The following EFNA5 variants were observed in gnomAD, a reference collection of about 807,000 sequenced individuals.
EFNA5 encodes the protein ephrin-A5.
Under a neutral mutation model 22.9 loss-of-function variants are expected in EFNA5, and 5 were observed. The observed-to-expected ratio is 0.22, with a 90% CI of 0.11 to 0.46. EFNA5 has a LOEUF of 0.46. Among genes scored for constraint, EFNA5 ranks in the 20% least tolerant of loss-of-function variants. The probability of loss-of-function intolerance (pLI) is 0.99; values close to 1 mark genes in which losing one functional copy is unlikely to be tolerated. For synonymous variants in EFNA5, 113 were observed against 112.2 expected (o/e 1.01, Z -0.04); for missense variants, 237 against 293.3 (o/e 0.81, Z 1.40).
At chr5:107,621,555 C>T (rs1034205515) in intron 1 of EFNA5, among the ~76,000 whole-genome samples, 8 of 152,120 alleles carry the variant, frequency 5.3e-5, no homozygotes, top group Non-Finnish European at 8.8e-5. Context: ...CTGTAGAAAA[C>T]GCATTTTGAG....
chr5:107,539,684 C>T (rs1260304900), intron 1 of EFNA5, among the ~76,000 whole-genome samples: 1 of 152,078 alleles, frequency 6.6e-6, no homozygotes. Flanking sequence ...GTCTCAAACT[C>T]CTGACCTCAT....
intron 1 of EFNA5, among the ~76,000 whole-genome samples, chr5:107,454,468 C>A (rs1432454906): frequency 2.6e-5 from 4 of 152,032 alleles, no homozygotes; most frequent in Non-Finnish European, 4.4e-5. Context: ...TTGTCTGCTT[C>A]TTTTTTCAGA....
At chr5:107,590,062 G>A (rs1477842982) in intron 1 of EFNA5, among the ~76,000 whole-genome samples, 2 of 150,690 alleles carry the variant, frequency 1.3e-5, no homozygotes, top group African/African-American at 2.5e-5. Flanking sequence ...CATTGGAGAC[G>A]GTGATTTGGA....
At chr5:107,583,269 G>A (rs1477645019) in intron 1 of EFNA5, among the ~76,000 whole-genome samples, 1 of 152,054 alleles carries the variant, frequency 6.6e-6, no homozygotes, top group African/African-American at 2.4e-5. Context: ...GTCCAAATAA[G>A]TCTGGCTAAA....
At chr5:107,568,314 A>G (rs1748704562) in intron 1 of EFNA5, among the ~76,000 whole-genome samples, 1 of 152,236 alleles carries the variant, frequency 6.6e-6, no homozygotes, top group South Asian at 2.1e-4. Flanking sequence ...AAAAGGAGAA[A>G]AGACAAAGAG....
chr5:107,660,261 C>CATATATATATATAAATATATATATATAT (rs1163908363), intron 1 of EFNA5, among the ~76,000 whole-genome samples: 1 of 52,452 alleles, frequency 1.9e-5, no homozygotes, highest in Non-Finnish European at 3.9e-5. Context: ...ATGGCAAAAA[C>CATATATATATATAAATATATATATATAT]ATATATATAT....
At chr5:107,544,285 T>C (rs1029586995) in intron 1 of EFNA5, among the ~76,000 whole-genome samples, 1 of 152,156 alleles carries the variant, frequency 6.6e-6, no homozygotes, top group Non-Finnish European at 1.5e-5. Flanking sequence ...AAACAGTAAA[T>C]GCTGGGGCTC....
intron 1 of EFNA5, among the ~76,000 whole-genome samples, chr5:107,470,370 T>C (rs1750105720): frequency 6.6e-6 from 1 of 152,224 alleles, no homozygotes; most frequent in Non-Finnish European, 1.5e-5. Flanking sequence ...CAATTGTTAT[T>C]ATACGGCTTC....
chr5:107,431,033 C>T (rs552041522), intron 1 of EFNA5, among the ~76,000 whole-genome samples: 3 of 152,090 alleles, frequency 2.0e-5, no homozygotes, highest in South Asian at 2.1e-4. Context: ...CTCGGCCTCC[C>T]GAAGTGCTGG....
At chr5:107,625,824 A>G (rs1366175521) in intron 1 of EFNA5, among the ~76,000 whole-genome samples, 1 of 152,194 alleles carries the variant, frequency 6.6e-6, no homozygotes, top group Non-Finnish European at 1.5e-5. Context: ...TAACTCAGAA[A>G]TCCCTGTCTT....
intron 1 of EFNA5, among the ~76,000 whole-genome samples, chr5:107,650,984 T>A (rs1273722650): frequency 6.6e-6 from 1 of 152,236 alleles, no homozygotes. Context: ...CCTCAGTCCA[T>A]TAAATGCTCA....
intron 1 of EFNA5, among the ~76,000 whole-genome samples, chr5:107,575,496 TAG>T (rs1748909877): frequency 6.6e-6 from 1 of 152,048 alleles, no homozygotes; most frequent in Non-Finnish European, 1.5e-5. Flanking sequence ...TAAAATGTGT[TAG>T]AGATACTTTT....
At chr5:107,427,780 T>C (rs1748845404) in intron 1 of EFNA5, among the ~76,000 whole-genome samples, 1 of 152,162 alleles carries the variant, frequency 6.6e-6, no homozygotes, top group Non-Finnish European at 1.5e-5. Flanking sequence ...TTATATTAAA[T>C]ATCACTCTTT....
At chr5:107,558,352 T>C (rs1423048426) in intron 1 of EFNA5, among the ~76,000 whole-genome samples, 2 of 152,334 alleles carry the variant, frequency 1.3e-5, no homozygotes, top group East Asian at 1.9e-4. Flanking sequence ...AATAATTTCC[T>C]AGCTTTCAGG....
At chr5:107,613,770 T>C (rs1749865375) in intron 1 of EFNA5, among the ~76,000 whole-genome samples, 1 of 152,094 alleles carries the variant, frequency 6.6e-6, no homozygotes, top group African/African-American at 2.4e-5. Flanking sequence ...TGATTAAATC[T>C]TCTTCTGACA....
intron 1 of EFNA5, among the ~76,000 whole-genome samples, chr5:107,625,064 G>A (rs1175390676): frequency 6.6e-6 from 1 of 152,122 alleles, no homozygotes; most frequent in African/African-American, 2.4e-5. Context: ...ATGTAAATAT[G>A]TCTGAGAGAT....
At chr5:107,572,734 C>T (rs624548) in intron 1 of EFNA5, among the ~76,000 whole-genome samples, 18,134 of 152,134 alleles carry the variant, frequency 0.12, 3,640 homozygotes, top group African/African-American at 0.41. Context: ...TGTTTTTTTA[C>T]ACATGTCTTC....
chr5:107,558,680 G>A (rs1748473353), intron 1 of EFNA5, among the ~76,000 whole-genome samples: 1 of 152,170 alleles, frequency 6.6e-6, no homozygotes. Context: ...GCAAAGGGAA[G>A]GTTAAGACAC....
At chr5:107,543,965 G>A (rs976651438) in intron 1 of EFNA5, among the ~76,000 whole-genome samples, 9 of 152,160 alleles carry the variant, frequency 5.9e-5, no homozygotes, top group Admixed American at 5.2e-4. Context: ...ACTCCGTGAG[G>A]GGACAGGAAA....
Sources: allele counts gnomAD v4.1 joint callset (sites outside exome capture counted in the v4.1 genomes callset), GRCh38; gene constraint gnomAD v4.1.1; transcripts MANE v1.5; gene names NCBI Gene and HGNC (gene_info 2026-07-23, HGNC 2026-07-21).